Variants in PXDN observed in about 807,000 individuals in gnomAD.
The protein encoded by PXDN is peroxidasin.
In PXDN, 77 loss-of-function variants were observed where a neutral mutation model predicts 140.3. That is an observed-to-expected ratio of 0.55 (90% CI 0.46 to 0.66). The LOEUF is 0.66. Among genes scored for constraint, PXDN ranks in the 30% least tolerant of loss-of-function variants. PXDN has a pLI of 0.00. For synonymous variants in PXDN, 911 were observed against 857.4 expected (o/e 1.06, Z -1.09); for missense variants, 1,838 against 2,039.5 (o/e 0.90, Z 1.90).
intron 9 of PXDN, 21 bp from the exon 10 acceptor site, chr2:1,666,507 T>A (rs765057614): frequency 6.4e-7 from 1 of 1,573,038 alleles, no homozygotes; most frequent in African/African-American, 1.4e-5. Flanking sequence ...TAAACAGAAA[T>A]TCTCAATTAA....
intron 15 of PXDN, chr2:1,654,100 C>G (rs1038442629): frequency 2.1e-6 from 1 of 479,176 alleles, no homozygotes; most frequent in Non-Finnish European, 3.7e-6. Context: ...GACTTTTAAA[C>G]TATTTGTTTT....
chr2:1,645,092 C>T (rs1682820883), intron 17 of PXDN, among the ~76,000 whole-genome samples: 1 of 152,090 alleles, frequency 6.6e-6, no homozygotes. Flanking sequence ...CCCTTCCAAT[C>T]TTTTTAAAAT....
Position 1,680,276 on chromosome 2 carries a change from G to C in PXDN, c.647C>G (p.Ala216Gly). 5 of 1,613,906 alleles carry C rather than the reference G, an allele frequency of 3.1e-6. No individual in the cohort carries two copies. The highest frequency in any genetic ancestry group is 4.2e-6 in the Non-Finnish European group (5 of 1,179,874). The change falls in exon 7 of 23, where the codon GCG becomes GGG. Residue 216 changes from alanine (A) to glycine (G), a missense_variant. By Grantham distance (60) the Ala-to-Gly change is moderately conservative (BLOSUM62 0). This residue lies in a region of PXDN where 208 missense variants were observed against 325.8 expected (regional missense o/e 0.64). Coordinates refer to ENST00000252804, the MANE Select transcript of PXDN (RefSeq NM_012293.3). ...ATATTCACAGATGGCCGCTGCCTGC[G>C]CGTTCCCCGACTCCGCGTAGGTTTT... is the stretch of plus-strand genomic sequence containing the variant. The part of the protein sequence containing the change: ...LLKTYAESGN[A>G]QAAAICEYPR...
intron 13 of PXDN, 132 bp downstream of exon 13, chr2:1,661,940 A>G: frequency 1.4e-6 from 1 of 726,778 alleles, no homozygotes; most frequent in South Asian, 1.8e-5. Context: ...AGCCCATCAT[A>G]CCCCACAGCA....
chr2:1,647,634 G>A (rs896633586), intron 17 of PXDN, among the ~76,000 whole-genome samples: 7 of 152,210 alleles, frequency 4.6e-5, no homozygotes, highest in Admixed American at 3.9e-4. Flanking sequence ...TCATGGGCAG[G>A]TGGCCCCACA....
In PXDN at chr2:1,711,980, A is replaced by T. The variant is rs961079483; in HGVS notation, c.201-18846T>A. On this transcript the variant is annotated intron_variant, in intron 1 of 22. Coordinates refer to ENST00000252804, the MANE Select transcript of PXDN (RefSeq NM_012293.3). ...TCTCAGCTTCCCAAGACAAGATGTCAGGTTAACACAACTCTCAAGTAATCA... is the reference window on the plus strand; with the variant it reads ...TCTCAGCTTCCCAAGACAAGATGTCTGGTTAACACAACTCTCAAGTAATCA... Among the ~76,000 whole-genome samples the T allele has an allele frequency of 2.0e-5, 3 of 152,370 alleles. No individual in the cohort carries two copies. The East Asian group carries it at 5.8e-4, about 29-fold the overall frequency.
At chr2:1,669,568 T>A (rs907254568) in intron 9 of PXDN, 2 of 152,170 alleles carry the variant, frequency 1.3e-5, no homozygotes, top group African/African-American at 4.8e-5. Context: ...GGGTCAGACG[T>A]GGTGGCTCAT....
In PXDN at chr2:1,634,009, T is replaced by C; in HGVS notation, c.*195A>G. The C allele has an allele frequency of 1.5e-6, 1 of 687,356 alleles. No homozygotes were observed. The highest frequency in any genetic ancestry group is 2.2e-6 in the Non-Finnish European group (1 of 452,976). The allele number at this position is 687,356 out of a possible 1,614,324, so 42.6% of individuals were successfully genotyped here. A position where few individuals can be genotyped will look rare whatever the true frequency, so the allele number is the denominator to read the frequency against. On this transcript the variant is annotated 3_prime_UTR_variant, in exon 23 of 23. Transcript: ENST00000252804. ...TCCTGCCTGCTTCCCTTCAGGCACCTGCTGTGCCTCCTTCTCCGCAGATGC... is the reference window on the plus strand; with the variant it reads ...TCCTGCCTGCTTCCCTTCAGGCACCCGCTGTGCCTCCTTCTCCGCAGATGC...
chr2:1,649,848 G>A lies in PXDN; in HGVS notation c.2105-173C>T, dbSNP rs1366437860. Among the ~76,000 whole-genome samples the A allele has an allele frequency of 2.0e-5, 3 of 152,112 alleles. No individual in the cohort carries two copies. Among genetic ancestry groups the A allele is most frequent in the African/African-American group, 7.2e-5 (3 of 41,412 alleles). On this transcript the variant is annotated intron_variant, in intron 16 of 22. Coordinates refer to ENST00000252804, the MANE Select transcript of PXDN (RefSeq NM_012293.3). The surrounding 1 kb of genome is among the most constrained non-coding windows in gnomAD (Gnocchi z 7.1). ...CTGGAAACCTGCTCACCTCCTGTTT[G>A]GTAAAACTGCTCCTCCCCTCCTCCA... is the stretch of plus-strand genomic sequence containing the variant.
intron 1 of PXDN, among the ~76,000 whole-genome samples, chr2:1,731,541 G>A (rs983610678): frequency 2.0e-5 from 3 of 152,210 alleles, no homozygotes. Context: ...GCGGGGCACA[G>A]CTGGGATCCT....
chr2:1,649,150 A>C lies in PXDN; in HGVS notation c.2630T>G (p.Phe877Cys). ...SRARSGARCM[F>C]FVRSSPVCGS... The stretch of plus-strand genomic sequence containing the variant: ...GCACACAGGGCTGGAGCGCACGAAG[A>C]ACATGCAGCGGGCCCCGCTCCTGGC... Residue 877 changes from phenylalanine to cysteine, a missense_variant, in exon 17 of 23, where the codon TTC (phenylalanine) becomes TGC (cysteine). Physicochemically the swap from Phe to Cys is radical, Grantham distance 205. Transcript: ENST00000252804. This position sits in a 1 kb window ranked among gnomAD's most constrained non-coding sequence, Gnocchi z 7.1. 6.3e-7 allele frequency: 1 copy of C among 1,591,242 alleles called. No homozygotes were observed. The highest frequency in any genetic ancestry group is 8.6e-7 in the Non-Finnish European group (1 of 1,167,138).
intron 2 of PXDN, among the ~76,000 whole-genome samples, chr2:1,692,851 C>T: frequency 6.6e-6 from 1 of 152,202 alleles, no homozygotes; most frequent in African/African-American, 2.4e-5. Flanking sequence ...CAACATGCCA[C>T]AGACAGGCAC....
chr2:1,652,659 C>T (rs1364441049), intron 16 of PXDN, among the ~76,000 whole-genome samples: 3 of 152,090 alleles, frequency 2.0e-5, no homozygotes, highest in East Asian at 3.9e-4. Flanking sequence ...GAACATACAG[C>T]TTCACATTGG....
At chr2:1,679,938 TGTGC>T (rs1161554748) in intron 7 of PXDN, among the ~76,000 whole-genome samples, 2 of 144,210 alleles carry the variant, frequency 1.4e-5, no homozygotes, top group Non-Finnish European at 3.1e-5. Context: ...TGTGTGTGTA[TGTGC>T]GTGTGTGTGG....
intron 1 of PXDN, among the ~76,000 whole-genome samples, chr2:1,702,753 C>T (rs1808467): frequency 6.6e-6 from 1 of 150,472 alleles, no homozygotes; most frequent in African/African-American, 2.4e-5. Flanking sequence ...CTCAGCCTCC[C>T]GAGTAGCTGG....
Position 1,648,866 on chromosome 2 carries a change from G to A in PXDN, c.2914C>T (p.Leu972=), listed in dbSNP as rs2125411171. 6.2e-7 allele frequency: 1 copy of A among 1,601,878 alleles called. No individual in the cohort carries two copies. The highest frequency in any genetic ancestry group is 1.3e-5 in the African/African-American group (1 of 74,908). ...DENESPIPCF[L]AGDHRANEQL... ...TCGTTGGCGCGGTGGTCCCCGGCCA[G>A]GAAGCAGGGGATGGGGCTCTCGTTC... The change falls in exon 17 of 23, where the codon CTG becomes TTG. Residue 972 remains leucine, a synonymous_variant. Coordinates refer to ENST00000252804, the MANE Select transcript of PXDN (RefSeq NM_012293.3). The surrounding 1 kb of genome is among the most constrained non-coding windows in gnomAD (Gnocchi z 8.9).
Position 1,660,329 on chromosome 2 carries a change from C to G in PXDN, c.1837+552G>C, listed in dbSNP as rs115734982. Among the ~76,000 whole-genome samples the G allele has an allele frequency of 3.4e-3, 511 of 152,116 alleles. 4 individuals are homozygous for G. Among genetic ancestry groups the G allele is most frequent in the African/African-American group, 0.011 (474 of 41,502 alleles). ...GGGGTGAGTGGGATGGAAGTGGTGG[C>G]GGACCAGGATGCAAACAGACAGATG... On this transcript the variant is annotated intron_variant, in intron 14 of 22. Coordinates refer to ENST00000252804, the MANE Select transcript of PXDN (RefSeq NM_012293.3). The surrounding 1 kb of genome is among the most constrained non-coding windows in gnomAD (Gnocchi z 4.6).
intron 14 of PXDN, among the ~76,000 whole-genome samples, chr2:1,656,037 CCAA>C (rs1333221753): frequency 1.3e-5 from 2 of 151,442 alleles, no homozygotes; most frequent in Admixed American, 1.3e-4. Context: ...ACTACACATA[CCAA>C]CACCATAGCA....
chr2:1,648,972 C>T lies in PXDN; in HGVS notation c.2808G>A (p.Leu936=), dbSNP rs367963401. The stretch of plus-strand genomic sequence containing the variant: ...CGGACCGCTGCACGATGCCCTGCCG[C>T]AGCAGGCCGCGGTGGCTGGCCAGGT... ...IRDLASHRGL[L]RQGIVQRSGK... The change falls in exon 17 of 23, where the codon CTG becomes CTA. Residue 936 remains leucine, a synonymous_variant. Coordinates refer to ENST00000252804, the MANE Select transcript of PXDN (RefSeq NM_012293.3). The surrounding 1 kb of genome is among the most constrained non-coding windows in gnomAD (Gnocchi z 8.9). The T allele has an allele frequency of 1.2e-6, 2 of 1,609,002 alleles. No individual in the cohort carries two copies. The highest frequency in any genetic ancestry group is 2.2e-5 in the East Asian group (1 of 44,734).
Sources: allele counts gnomAD v4.1 joint callset (sites outside exome capture counted in the v4.1 genomes callset), GRCh38; gene constraint gnomAD v4.1.1; regional missense constraint gnomAD v4.1.1; non-coding constraint Gnocchi (gnomAD v3.1); transcripts MANE v1.5; gene names NCBI Gene and HGNC (gene_info 2026-07-23, HGNC 2026-07-21).